SLCO1B1: variants seen among roughly 807,000 people sequenced by gnomAD.
SLCO1B1 encodes the protein solute carrier organic anion transporter family member 1B1.
In SLCO1B1, 81 loss-of-function variants were observed where a neutral mutation model predicts 70.1. That is an observed-to-expected ratio of 1.16 (90% CI 0.97 to 1.39). The LOEUF (loss-of-function observed/expected upper bound fraction) is 1.39, where lower values mean the gene tolerates loss of function less well. SLCO1B1 is among the 40% of genes most tolerant of loss of function. SLCO1B1 has a pLI of 0.00. For missense variants in SLCO1B1, 895 were observed against 799.6 expected (o/e 1.12, Z -1.44); for synonymous variants, 283 against 271.5 (o/e 1.04, Z -0.42).
chr12:21,132,375 G>A (rs967118206), intron 1 of SLCO1B1, among the ~76,000 whole-genome samples: 13 of 152,142 alleles, frequency 8.5e-5, no homozygotes, highest in Admixed American at 8.5e-4. Context: ...TGGGTCAAAT[G>A]GTATTTCCAG....
Position 21,222,415 on chromosome 12 carries a change from TATATATATATATAC to T in SLCO1B1, c.1747+53_1747+66del, listed in dbSNP as rs779359592. Reference sequence around the variant, plus strand: ...AAAAAAAAATATATATATATATATATATATATATATATACACACACACATACATATATTAAATTT... The same window carrying T: ...AAAAAAAAATATATATATATATATATACACACACATACATATATTAAATTT... On this transcript the variant is annotated intron_variant, in intron 13 of 14. Coordinates refer to ENST00000256958, the MANE Select transcript of SLCO1B1 (RefSeq NM_006446.5). The T allele has an allele frequency of 2.4e-3, 423 of 175,894 alleles. 7 individuals carry two copies. The highest frequency in any genetic ancestry group is 0.019 in the South Asian group (151 of 8,128). 10.9% of individuals were successfully genotyped at this position (175,894 alleles called of 1,614,324 possible).
Position 21,141,562 on chromosome 12 carries a change from C to G in SLCO1B1, c.-13C>G. ...AACAACAAAAACATTTGTATGATAT[C>G]TATATTTCAATCATGGACCAAAATC... On this transcript the variant is annotated 5_prime_UTR_variant, in exon 2 of 15. In the 5' UTR this introduces an upstream ATG that the reference lacks. Coordinates refer to ENST00000256958, the MANE Select transcript of SLCO1B1 (RefSeq NM_006446.5). 1.3e-6 allele frequency: 2 copies of G among 1,554,804 alleles called. No homozygotes were observed. The highest frequency in any genetic ancestry group is 1.8e-6 in the Non-Finnish European group (2 of 1,127,812).
In SLCO1B1 at chr12:21,239,167, C is replaced by A. The variant is rs1941623633; in HGVS notation, c.2054C>A (p.Ala685Glu). The part of the protein sequence containing the change: ...KNKHFVPSAG[A>E]DSETHC The stretch of plus-strand genomic sequence containing the variant: ...AAACATTTTGTCCCTTCTGCTGGGG[C>A]AGATAGTGAAACACATTGTTAAGGG... Residue 685 changes from alanine (A) to glutamate (E), a missense_variant, in exon 15 of 15, where the codon GCA (alanine) becomes GAA (glutamate). Physicochemically the swap from Ala to Glu is moderately radical, Grantham distance 107. Coordinates refer to ENST00000256958, the MANE Select transcript of SLCO1B1 (RefSeq NM_006446.5). 6.2e-7 allele frequency: 1 copy of A among 1,612,660 alleles called. No homozygotes were observed. Among genetic ancestry groups the A allele is most frequent in the Admixed American group, 1.7e-5 (1 of 59,990 alleles).
intron 4 of SLCO1B1, among the ~76,000 whole-genome samples, chr12:21,176,211 T>A (rs1365645066): frequency 6.6e-6 from 1 of 152,154 alleles, no homozygotes; most frequent in Non-Finnish European, 1.5e-5. Flanking sequence ...CTTTGAAGCT[T>A]AGCATAATGC....
rs556803327 is a variant in SLCO1B1, at chr12:21,144,041, A to AT, written c.84+2388dup. 4.9e-3 allele frequency among the ~76,000 whole-genome samples: 740 copies of AT among 152,124 alleles called. 4 individuals carry two copies. Among genetic ancestry groups the AT allele is most frequent in the Non-Finnish European group, 6.3e-3 (426 of 67,954 alleles). ...AATTCTTTTCTACCCCTTCTCCTCA[A>AT]TTTTTGTACTGAACTAACTACATTA... On this transcript the variant is annotated intron_variant, in intron 2 of 14. Coordinates refer to ENST00000256958, the MANE Select transcript of SLCO1B1 (RefSeq NM_006446.5).
At chr12:21,198,467 C>A (rs189757326) in intron 8 of SLCO1B1, among the ~76,000 whole-genome samples, 36 of 152,022 alleles carry the variant, frequency 2.4e-4, no homozygotes, top group Middle Eastern at 6.8e-3. Flanking sequence ...AGTAGATTGT[C>A]TAAACCTATA....
chr12:21,132,804 T>C (rs2121017864), intron 1 of SLCO1B1, among the ~76,000 whole-genome samples: 1 of 152,352 alleles, frequency 6.6e-6, no homozygotes, highest in Non-Finnish European at 1.5e-5. Context: ...CTGATGGTAG[T>C]TTCTTTTGCT....
At chr12:21,152,206 G>A (rs914649087) in intron 2 of SLCO1B1, among the ~76,000 whole-genome samples, 12 of 151,810 alleles carry the variant, frequency 7.9e-5, no homozygotes, top group African/African-American at 1.2e-4. Flanking sequence ...TTTCTGCTAC[G>A]ATGTTGTGAC....
intron 14 of SLCO1B1, among the ~76,000 whole-genome samples, chr12:21,226,184 G>T (rs1233203082): frequency 6.6e-6 from 1 of 152,122 alleles, no homozygotes; most frequent in Non-Finnish European, 1.5e-5. Context: ...GGAGGCCAAG[G>T]TGGGAGGATT....
At chr12:21,165,939 G>A (rs2121086716) in intron 2 of SLCO1B1, among the ~76,000 whole-genome samples, 1 of 152,042 alleles carries the variant, frequency 6.6e-6, no homozygotes, top group Non-Finnish European at 1.5e-5. Context: ...GCAAATTTGA[G>A]CAGTTAGAAC....
intron 14 of SLCO1B1, among the ~76,000 whole-genome samples, chr12:21,235,652 AT>A (rs1464645346): frequency 6.6e-6 from 1 of 151,980 alleles, no homozygotes; most frequent in African/African-American, 2.4e-5. Context: ...AGGCTTTGTA[AT>A]TATGGGTGCT....
At chr12:21,212,038 G>A (rs1157165501) in intron 11 of SLCO1B1, among the ~76,000 whole-genome samples, 1 of 148,126 alleles carries the variant, frequency 6.8e-6, no homozygotes, top group Non-Finnish European at 1.5e-5. Context: ...ATTTTTTGAA[G>A]GTTTTTTTTT....
At chr12:21,220,952 T>G (rs563581554) in intron 12 of SLCO1B1, among the ~76,000 whole-genome samples, 1 of 152,282 alleles carries the variant, frequency 6.6e-6, no homozygotes, top group African/African-American at 2.4e-5. Context: ...GTTGTTTTTA[T>G]TCTAGGGATG....
chr12:21,142,563 A>G (rs1355403147), intron 2 of SLCO1B1, among the ~76,000 whole-genome samples: 1 of 151,986 alleles, frequency 6.6e-6, no homozygotes, highest in Non-Finnish European at 1.5e-5. Context: ...GTCAATTACA[A>G]TAATGTTATA....
chr12:21,197,926 A>G (rs1001334273), intron 8 of SLCO1B1, among the ~76,000 whole-genome samples: 2 of 152,140 alleles, frequency 1.3e-5, no homozygotes, highest in African/African-American at 4.8e-5. Context: ...ATTGAGAGTC[A>G]ATAAACAAAG....
intron 7 of SLCO1B1, among the ~76,000 whole-genome samples, chr12:21,190,040 A>C (rs889003105): frequency 6.6e-6 from 1 of 152,162 alleles, no homozygotes; most frequent in Non-Finnish European, 1.5e-5. Flanking sequence ...GGAAGAAGCT[A>C]TAGGGAAGGA....
chr12:21,200,464 T>A, intron 8 of SLCO1B1, 44 bp from the exon 9 acceptor site: 5 of 1,307,300 alleles, frequency 3.8e-6, no homozygotes, highest in Non-Finnish European at 5.3e-6. Context: ...AAATGTATAT[T>A]TAAGTTGCAT....
In SLCO1B1 at chr12:21,202,599, C is replaced by T; in HGVS notation, c.1244C>T (p.Ala415Val). 6.2e-7 allele frequency: 1 copy of T among 1,612,424 alleles called. No homozygotes were observed. The highest frequency in any genetic ancestry group is 8.5e-7 in the Non-Finnish European group (1 of 1,178,994). The change falls in exon 10 of 15, where the codon GCT (alanine) becomes GTT (valine). Residue 415 changes from alanine (A) to valine (V), a missense_variant. By Grantham distance (64) the Ala-to-Val change is moderately conservative. Transcript: ENST00000256958. ...VGIAKFSCFT[A>V]VMSLSFYLLY... Reference sequence around the variant, plus strand: ...ATTGCCAAATTCTCATGTTTTACTGCTGTGATGTCATTGTCCTTTTACCTA... The same window carrying T: ...ATTGCCAAATTCTCATGTTTTACTGTTGTGATGTCATTGTCCTTTTACCTA...
At chr12:21,213,470 C>A (rs376236580) in intron 11 of SLCO1B1, among the ~76,000 whole-genome samples, 1 of 148,040 alleles carries the variant, frequency 6.8e-6, no homozygotes, top group Non-Finnish European at 1.5e-5. Context: ...GAGGGTAACC[C>A]GACCTTTCTC....
Sources: allele counts gnomAD v4.1 joint callset (sites outside exome capture counted in the v4.1 genomes callset), GRCh38; gene constraint gnomAD v4.1.1; transcripts MANE v1.5; gene names NCBI Gene and HGNC (gene_info 2026-07-23, HGNC 2026-07-21).